Variants in AOPEP observed in about 807,000 individuals in gnomAD.
AOPEP encodes the protein aminopeptidase O.
A neutral mutation model predicts 98.1 loss-of-function variants in AOPEP; 77 were observed. The ratio of observed to expected loss-of-function variants is 0.78; its 90% CI spans 0.65 to 0.95. The LOEUF is 0.95. AOPEP is among the 40% of genes least tolerant of loss of function. The pLI is 0.00. For synonymous variants in AOPEP, 346 were observed against 365.3 expected, an observed-to-expected ratio of 0.95 and a Z score of 0.60; for missense variants, 1,024 against 1,024.7, an observed-to-expected ratio of 1.00 and a Z score of 0.01.
At chr9:94,962,226 A>G (rs2058892883) in intron 9 of AOPEP, among the ~76,000 whole-genome samples, 1 of 152,230 alleles carries the variant, frequency 6.6e-6, no homozygotes, top group South Asian at 2.1e-4. Context: ...ACAGCCCTAG[A>G]ACATGAGCAG....
At chr9:94,765,439 A>AATAATAATAAT (rs1839345297) in intron 2 of AOPEP, among the ~76,000 whole-genome samples, 3 of 123,824 alleles carry the variant, frequency 2.4e-5, no homozygotes, top group East Asian at 2.5e-4. Context: ...TTCTCTACAA[A>AATAATAATAAT]AATAATAATA....
intron 7 of AOPEP, chr9:94,934,856 T>C (rs1300953277): frequency 6.6e-6 from 1 of 152,440 alleles, no homozygotes; most frequent in Non-Finnish European, 1.5e-5. Context: ...GAGCTGATCT[T>C]CCTCGGGGCC....
At chr9:95,022,540 C>T (rs145312309) in intron 13 of AOPEP, among the ~76,000 whole-genome samples, 128 of 152,232 alleles carry the variant, frequency 8.4e-4, no homozygotes, top group African/African-American at 2.9e-3. Context: ...GGGGTTTCAC[C>T]GTGTTAGCCA....
rs3992777 is a variant in AOPEP, at chr9:94,962,730, C to CTTTTT, written c.1873-5012_1873-5008dup. ...CTGTCCAGCATTTCAATATTATCAT[C>CTTTTT]TTTTTTTTTTTTTTTTTTTTGAGAC... is the stretch of plus-strand genomic sequence containing the variant. On this transcript the variant is annotated intron_variant, in intron 9 of 16. Coordinates refer to ENST00000375315, the MANE Select transcript of AOPEP (RefSeq NM_001193329.3). Among the ~76,000 whole-genome samples the CTTTTT allele has an allele frequency of 8.5e-3, 1,103 of 129,694 alleles. 51 individuals are homozygous for CTTTTT. The highest frequency in any genetic ancestry group is 0.032 in the African/African-American group (1,039 of 32,192). The allele number at this position is 129,694 out of a possible 152,430, so 85.1% of individuals were successfully genotyped here. A position where few individuals can be genotyped will look rare whatever the true frequency, so the allele number is the denominator to read the frequency against.
chr9:95,009,496 A>G (rs1019262414), intron 13 of AOPEP, among the ~76,000 whole-genome samples: 8 of 152,166 alleles, frequency 5.3e-5, no homozygotes, highest in African/African-American at 1.7e-4. Context: ...AACTAGTTTT[A>G]CAGTGCTCAT....
chr9:95,096,796 G>C, the AOPEP span, among the ~76,000 whole-genome samples: 354 of 152,340 alleles, frequency 2.3e-3, no homozygotes, highest in Non-Finnish European at 3.8e-3. Flanking sequence ...GTGTCAGTGC[G>C]TGGTACGCTT....
At chr9:95,129,530 G>C in the AOPEP span, among the ~76,000 whole-genome samples, 1 of 152,170 alleles carries the variant, frequency 6.6e-6, no homozygotes, top group Admixed American at 6.5e-5. Flanking sequence ...CAGAGGTCAC[G>C]CTGCAAGCCA....
the AOPEP span, among the ~76,000 whole-genome samples, chr9:95,124,360 G>C: frequency 6.6e-6 from 1 of 152,172 alleles, no homozygotes; most frequent in Non-Finnish European, 1.5e-5. Flanking sequence ...AAATATATAT[G>C]CTGAAAGGTG....
intron 6 of AOPEP, 21 bp downstream of exon 6, chr9:94,924,196 G>A: frequency 7.5e-6 from 10 of 1,334,796 alleles, no homozygotes; most frequent in Non-Finnish European, 9.7e-6. Flanking sequence ...GTGACCCTAA[G>A]TATTTCACTA....
chr9:95,127,937 A>G, the AOPEP span, among the ~76,000 whole-genome samples: 1 of 152,256 alleles, frequency 6.6e-6, no homozygotes, highest in East Asian at 1.9e-4. Context: ...GCAAGTTAAA[A>G]TGTCCTACTC....
chr9:95,058,959 C>T (rs2067079149), intron 13 of AOPEP, among the ~76,000 whole-genome samples: 1 of 152,234 alleles, frequency 6.6e-6, no homozygotes, highest in East Asian at 1.9e-4. Flanking sequence ...TCTCACTGGG[C>T]TGCCTGGGCA....
At chr9:94,769,074 C>T (rs534955984) in intron 2 of AOPEP, among the ~76,000 whole-genome samples, 3 of 152,186 alleles carry the variant, frequency 2.0e-5, no homozygotes, top group African/African-American at 7.2e-5. Context: ...CCATATAGTT[C>T]TCATTTGAAT....
chr9:95,081,428 A>C (rs1247802130), intron 15 of AOPEP, among the ~76,000 whole-genome samples: 1 of 152,176 alleles, frequency 6.6e-6, no homozygotes, highest in Non-Finnish European at 1.5e-5. Context: ...TCTGCCTCTG[A>C]ATGAGTGGCC....
intron 13 of AOPEP, among the ~76,000 whole-genome samples, chr9:95,013,637 C>T (rs996606372): frequency 1.3e-5 from 2 of 152,220 alleles, no homozygotes; most frequent in African/African-American, 4.8e-5. Flanking sequence ...TCTTTTCAGT[C>T]AATTCTGAAG....
At chr9:95,107,410 A>G in the AOPEP span, 394,941 of 873,044 alleles carry the variant, frequency 0.45, 91,941 homozygotes, top group East Asian at 0.63. Flanking sequence ...CAGCGGCCGA[A>G]TTTACACTCG....
At chr9:94,881,917 C>A (rs140810384) in intron 5 of AOPEP, among the ~76,000 whole-genome samples, 150 of 152,276 alleles carry the variant, frequency 9.9e-4, no homozygotes, top group Admixed American at 1.8e-3. Context: ...CAGGTTGGCT[C>A]CATTCTGCAG....
intron 5 of AOPEP, among the ~76,000 whole-genome samples, chr9:94,893,082 A>AG (rs2049058112): frequency 6.6e-6 from 1 of 152,226 alleles, no homozygotes; most frequent in Non-Finnish European, 1.5e-5. Flanking sequence ...AGCCTTGAGA[A>AG]GACCCTTATA....
chr9:95,004,661 C>T (rs1462321808), intron 11 of AOPEP, among the ~76,000 whole-genome samples: 2 of 151,312 alleles, frequency 1.3e-5, no homozygotes, highest in Non-Finnish European at 3.0e-5. Flanking sequence ...GCGGGCGGCG[C>T]GGGCCCCTCT....
At chr9:95,097,985 CGGGCTGGGGGAGGTGGTCCT>C in the AOPEP span, among the ~76,000 whole-genome samples, 2 of 152,118 alleles carry the variant, frequency 1.3e-5, no homozygotes, top group African/African-American at 4.8e-5. Context: ...CCCGAGCCCC[CGGGCTGGGGGAGGTGGTCCT>C]GGGCTGGAAA....
Sources: allele counts gnomAD v4.1 joint callset (sites outside exome capture counted in the v4.1 genomes callset), GRCh38; gene constraint gnomAD v4.1.1; transcripts MANE v1.5; gene names NCBI Gene and HGNC (gene_info 2026-07-23, HGNC 2026-07-21).